PTBP3: variants seen among roughly 807,000 people sequenced by gnomAD.
PTBP3 encodes polypyrimidine tract-binding protein 3.
PTBP3 carries 20 observed loss-of-function variants against 58.7 expected under a neutral mutation model. That is an observed-to-expected ratio of 0.34 (90% CI 0.24 to 0.50). The LOEUF is 0.50. Among genes scored for constraint, PTBP3 ranks in the 20% least tolerant of loss-of-function variants. PTBP3 has a pLI of 0.98. For missense variants in PTBP3, 509 were observed against 637.2 expected (o/e 0.80, Z 2.17); for synonymous variants, 185 against 219.8 (o/e 0.84, Z 1.40).
At chr9:112,273,906 A>T (rs773608823) in intron 3 of PTBP3, among the ~76,000 whole-genome samples, 1 of 152,234 alleles carries the variant, frequency 6.6e-6, no homozygotes, top group Non-Finnish European at 1.5e-5. Context: ...CAATTAACAT[A>T]ACACTTACAG....
chr9:112,250,846 A>G, intron 7 of PTBP3, 83 bp downstream of exon 7: 2 of 1,252,352 alleles, frequency 1.6e-6, no homozygotes, highest in Non-Finnish European at 2.1e-6. Flanking sequence ...GAGAAGAAAA[A>G]GGCTTATAAA....
At chr9:112,310,502 T>C (rs1055567243) in intron 1 of PTBP3, among the ~76,000 whole-genome samples, 3 of 152,188 alleles carry the variant, frequency 2.0e-5, no homozygotes, top group South Asian at 2.1e-4. Context: ...AGCAATAATA[T>C]TCATTCATTC....
intron 7 of PTBP3, 113 bp downstream of exon 7, chr9:112,250,816 T>C: frequency 9.2e-7 from 1 of 1,082,386 alleles, no homozygotes; most frequent in Non-Finnish European, 1.2e-6. Context: ...TGCTTTCCTT[T>C]ATAAATCCTG....
intron 1 of PTBP3, among the ~76,000 whole-genome samples, chr9:112,304,591 G>C (rs1829085602): frequency 6.6e-6 from 1 of 152,164 alleles, no homozygotes; most frequent in African/African-American, 2.4e-5. Context: ...TTGTGAGACA[G>C]AGTCTCGTTC....
At chr9:112,355,657 T>C in the PTBP3 span, among the ~76,000 whole-genome samples, 611 of 149,742 alleles carry the variant, frequency 4.1e-3, 2 homozygotes, top group African/African-American at 0.014. Flanking sequence ...GGGTGGGTGT[T>C]GGGGAGTTGC....
chr9:112,224,114 C>T lies in PTBP3; in HGVS notation c.1442+19G>A, dbSNP rs201846885. ...CATATTAAATAATTTTAATGTATTT[C>T]TTGAAAGCAAAGACTTACTGAAAGA... On this transcript the variant is annotated intron_variant, in intron 13 of 13. Transcript: ENST00000374257. 2.7e-5 allele frequency: 43 copies of T among 1,567,550 alleles called. No individual in the cohort carries two copies. The African/African-American group carries it at 5.4e-4, about 20-fold the overall frequency.
intron 1 of PTBP3, among the ~76,000 whole-genome samples, chr9:112,301,641 A>AGG (rs941380083): frequency 2.6e-4 from 40 of 152,266 alleles, no homozygotes; most frequent in African/African-American, 9.1e-4. Flanking sequence ...TGGTACCATA[A>AGG]GGAGATCTTT....
chr9:112,250,022 T>A (rs536567439), intron 7 of PTBP3, among the ~76,000 whole-genome samples: 34 of 152,204 alleles, frequency 2.2e-4, no homozygotes, highest in Non-Finnish European at 4.0e-4. Flanking sequence ...GCTTTTTAAA[T>A]TAAAAATAAT....
chr9:112,228,537 T>C, intron 10 of PTBP3, 65 bp from the exon 11 acceptor site: 2 of 1,145,762 alleles, frequency 1.7e-6, no homozygotes, highest in Non-Finnish European at 2.4e-6. Flanking sequence ...TTAATTTTAC[T>C]AATATACTTA....
At chr9:112,358,988 C>G in the PTBP3 span, among the ~76,000 whole-genome samples, 1 of 152,156 alleles carries the variant, frequency 6.6e-6, no homozygotes, top group Non-Finnish European at 1.5e-5. Context: ...GCATGTGCCA[C>G]TATGCCTAGC....
chr9:112,272,621 T>A (rs1025294807), intron 3 of PTBP3: 1 of 152,180 alleles, frequency 6.6e-6, no homozygotes, highest in African/African-American at 2.4e-5. Context: ...TGGGCTGAAA[T>A]GCAGTGCCTA....
At chr9:112,368,304 G>A in the PTBP3 span, among the ~76,000 whole-genome samples, 1,398 of 152,338 alleles carry the variant, frequency 9.2e-3, 29 homozygotes, top group South Asian at 0.077. Flanking sequence ...CTGAGTAGCT[G>A]GGATTACAGG....
upstream of PTBP3, among the ~76,000 whole-genome samples, chr9:112,336,353 A>G (rs986051578): frequency 6.6e-6 from 1 of 152,264 alleles, no homozygotes; most frequent in African/African-American, 2.4e-5. Flanking sequence ...CAAAGGACAT[A>G]AGCCTTAATA....
At chr9:112,312,493 T>TTTG (rs1829527148) in intron 1 of PTBP3, among the ~76,000 whole-genome samples, 1 of 146,760 alleles carries the variant, frequency 6.8e-6, no homozygotes, top group African/African-American at 2.5e-5. Flanking sequence ...TTTTTGTTTT[T>TTTG]TTTTTTTAAA....
At chr9:112,311,448 T>G (rs1010505670) in intron 1 of PTBP3, among the ~76,000 whole-genome samples, 1 of 152,132 alleles carries the variant, frequency 6.6e-6, no homozygotes, top group Non-Finnish European at 1.5e-5. Flanking sequence ...GGAAATACAG[T>G]TGACCCTGAA....
At position 112,252,788 on chromosome 9, in the gene PTBP3, T is replaced by C. The variant is rs528947387; in HGVS notation, c.517A>G (p.Ile173Val). The C allele has an allele frequency of 1.3e-6, 2 of 1,533,894 alleles. No homozygotes were observed. The highest frequency in any genetic ancestry group is 1.1e-5 in the South Asian group (1 of 88,642). Residue 173 changes from isoleucine (I) to valine (V), a missense_variant and splice_region_variant, in exon 6 of 14, where the codon ATA becomes GTA. Physicochemically the swap from Ile to Val is conservative, Grantham distance 29. This residue lies in a region of PTBP3 where 212 missense variants were observed against 215.3 expected (regional missense o/e 0.98). Coordinates refer to ENST00000374257, the MANE Select transcript of PTBP3 (RefSeq NM_001163788.4). Reference protein sequence around the residue: ...YPVTLEVLHQIFSKFGTVLKI... With the variant: ...YPVTLEVLHQVFSKFGTVLKI... ...AAGACTGTGCCAAATTTAGAAAATA[T>C]CTGGAAAACAGTTCACATTAGGTTA...
At chr9:112,348,368 T>G in the PTBP3 span, among the ~76,000 whole-genome samples, 1 of 152,164 alleles carries the variant, frequency 6.6e-6, no homozygotes, top group East Asian at 1.9e-4. Flanking sequence ...ATATCTGGAG[T>G]TGGGCCAGTG....
At chr9:112,241,316 C>T (rs1303212558) in intron 7 of PTBP3, among the ~76,000 whole-genome samples, 1 of 152,140 alleles carries the variant, frequency 6.6e-6, no homozygotes. Context: ...GTTGGCCAGG[C>T]TGGTCTCAAA....
intron 5 of PTBP3, among the ~76,000 whole-genome samples, chr9:112,257,398 T>C (rs899409987): frequency 6.6e-6 from 1 of 152,226 alleles, no homozygotes; most frequent in African/African-American, 2.4e-5. Flanking sequence ...AGGTTTGATA[T>C]ATATATGAAT....
Sources: allele counts gnomAD v4.1 joint callset (sites outside exome capture counted in the v4.1 genomes callset), GRCh38; gene constraint gnomAD v4.1.1; regional missense constraint gnomAD v4.1.1; transcripts MANE v1.5; gene names NCBI Gene and HGNC (gene_info 2026-07-23, HGNC 2026-07-21).